The following CTSS variants were observed in gnomAD, a reference collection of about 807,000 sequenced individuals.
CTSS encodes cathepsin S.
Under a neutral mutation model 39.9 loss-of-function variants are expected in CTSS, and 15 were observed. That is an observed-to-expected ratio of 0.38 (90% CI 0.25 to 0.58). The LOEUF is 0.58. CTSS is among the 20% of genes least tolerant of loss of function. The pLI is 0.70. For missense variants in CTSS, 250 were observed against 398.2 expected (o/e 0.63, Z 3.17); for synonymous variants, 126 against 138.2 (o/e 0.91, Z 0.62).
chr1:150,759,679 T>C (rs1452863786), intron 2 of CTSS, among the ~76,000 whole-genome samples: 1 of 152,238 alleles, frequency 6.6e-6, no homozygotes, highest in Non-Finnish European at 1.5e-5. Context: ...ATTTACATGC[T>C]GACCGACGAT....
intron 1 of CTSS, among the ~76,000 whole-genome samples, chr1:150,765,287 G>GTT (rs144296504): frequency 1.5e-5 from 2 of 136,880 alleles, no homozygotes; most frequent in African/African-American, 5.8e-5. Context: ...TCCTTTTTAC[G>GTT]TTTTTTTTTT....
intron 7 of CTSS, among the ~76,000 whole-genome samples, chr1:150,741,887 G>C (rs113739463): frequency 0.036 from 5,463 of 151,678 alleles, 349 homozygotes; most frequent in African/African-American, 0.12. Flanking sequence ...AAAAAAAAGG[G>C]GGGGGGAAGA....
chr1:150,736,862 G>A (rs587617199), intron 7 of CTSS, among the ~76,000 whole-genome samples: 23 of 151,706 alleles, frequency 1.5e-4, no homozygotes, highest in Admixed American at 4.6e-4. Flanking sequence ...TGTTCATTTC[G>A]GTACTTACCA....
At chr1:150,740,246 A>G (rs1257739935) in intron 7 of CTSS, among the ~76,000 whole-genome samples, 1 of 152,264 alleles carries the variant, frequency 6.6e-6, no homozygotes, top group Non-Finnish European at 1.5e-5. Flanking sequence ...GAATTCATAA[A>G]GCATTGCCAA....
At chr1:150,738,912 G>A (rs1485581972) in intron 7 of CTSS, among the ~76,000 whole-genome samples, 1 of 151,954 alleles carries the variant, frequency 6.6e-6, no homozygotes, top group Non-Finnish European at 1.5e-5. Flanking sequence ...ACCTTACAAT[G>A]GGCCAGGTGC....
intron 2 of CTSS, among the ~76,000 whole-genome samples, chr1:150,764,345 C>A (rs1008881369): frequency 6.6e-6 from 1 of 152,142 alleles, no homozygotes; most frequent in Non-Finnish European, 1.5e-5. Context: ...TCAAGTGATT[C>A]TCTTGCCTCA....
At chr1:150,742,272 A>G (rs1184745706) in intron 7 of CTSS, among the ~76,000 whole-genome samples, 1 of 152,124 alleles carries the variant, frequency 6.6e-6, no homozygotes, top group Non-Finnish European at 1.5e-5. Context: ...AAAAAGAATA[A>G]ATACAGCTTA....
At chr1:150,734,171 G>T (rs1292471960) in intron 7 of CTSS, among the ~76,000 whole-genome samples, 1 of 151,924 alleles carries the variant, frequency 6.6e-6, no homozygotes, top group Non-Finnish European at 1.5e-5. Context: ...TAGGACTGCA[G>T]GCATGTGCCA....
chr1:150,755,556 A>G (rs140691474), intron 3 of CTSS, among the ~76,000 whole-genome samples: 52,265 of 151,886 alleles, frequency 0.34, 9,288 homozygotes, highest in South Asian at 0.53. Context: ...CCTGGCCAAC[A>G]TGGTGAAACC....
intron 3 of CTSS, 110 bp downstream of exon 3, chr1:150,757,748 A>T: frequency 9.0e-7 from 1 of 1,110,912 alleles, no homozygotes; most frequent in Non-Finnish European, 1.3e-6. Context: ...CCAACTTTGT[A>T]CTATACATTC....
chr1:150,744,531 TACATAA>T lies in CTSS; in HGVS notation c.896+3240_896+3245del, dbSNP rs1214766486. 6.2e-4 allele frequency among the ~76,000 whole-genome samples: 69 copies of T among 111,310 alleles called. 1 individual carries two copies. Among genetic ancestry groups the T allele is most frequent in the Non-Finnish European group, 7.7e-4 (46 of 59,412 alleles). The allele number at this position is 111,310 out of a possible 152,430, so 73.0% of individuals were successfully genotyped here. On this transcript the variant is annotated intron_variant, in intron 7 of 7. Coordinates refer to ENST00000368985, the MANE Select transcript of CTSS (RefSeq NM_004079.5). The stretch of plus-strand genomic sequence containing the variant: ...TTATATATTATATGTATATTATGTA[TACATAA>T]TATATTATATATTATATATGTATAT...
At chr1:150,744,557 G>T (rs1438672169) in intron 7 of CTSS, among the ~76,000 whole-genome samples, 2 of 114,146 alleles carry the variant, frequency 1.8e-5, no homozygotes, top group African/African-American at 3.4e-5. Context: ...TATTATATAT[G>T]TATATTATGT....
chr1:150,754,174 C>G (rs1653066579), intron 4 of CTSS, among the ~76,000 whole-genome samples: 1 of 142,950 alleles, frequency 7.0e-6, no homozygotes, highest in Non-Finnish European at 1.5e-5. Context: ...AGTGCAGTGG[C>G]AAGATCTCAG....
chr1:150,753,348 T>A (rs1427153797), intron 4 of CTSS, among the ~76,000 whole-genome samples: 1 of 152,196 alleles, frequency 6.6e-6, no homozygotes, highest in Non-Finnish European at 1.5e-5. Context: ...ATAGGAACAA[T>A]AATTTTACAA....
In CTSS at chr1:150,732,905, G is replaced by A. The variant is rs587636359; in HGVS notation, c.*141C>T. On this transcript the variant is annotated 3_prime_UTR_variant, in exon 8 of 8. Coordinates refer to ENST00000368985, the MANE Select transcript of CTSS (RefSeq NM_004079.5). ...ATTACAGGCGTGAGCCACCGTGCCC[G>A]GCCTCAAACTATATTTTCTAATTAG... 74 of 610,654 alleles carry A rather than the reference G, an allele frequency of 1.2e-4. 1 individual carries two copies. Among genetic ancestry groups the A allele is most frequent in the South Asian group, 1.1e-3 (49 of 43,986 alleles). The allele number at this position is 610,654 out of a possible 1,614,324, so 37.8% of individuals were successfully genotyped here. A position where few individuals can be genotyped will look rare whatever the true frequency, so the allele number is the denominator to read the frequency against.
chr1:150,760,477 G>C (rs1653230906), intron 2 of CTSS, among the ~76,000 whole-genome samples: 1 of 152,162 alleles, frequency 6.6e-6, no homozygotes. Context: ...ACCATTTCTA[G>C]TCAATATAGT....
rs1161839781 is a variant in CTSS, at chr1:150,732,899, G to A, written c.*147C>T. ...ACTGGGATTACAGGCGTGAGCCACC[G>A]TGCCCGGCCTCAAACTATATTTTCT... is the stretch of plus-strand genomic sequence containing the variant. On this transcript the variant is annotated 3_prime_UTR_variant, in exon 8 of 8. Transcript: ENST00000368985. 20 of 579,982 alleles carry A rather than the reference G, an allele frequency of 3.4e-5. No homozygotes were observed. Among genetic ancestry groups the A allele is most frequent in the South Asian group, 1.4e-4 (6 of 43,790 alleles). 35.9% of individuals were successfully genotyped at this position (579,982 alleles called of 1,614,324 possible).
At chr1:150,746,432 C>CACTT (rs902821803) in intron 7 of CTSS, among the ~76,000 whole-genome samples, 1 of 152,148 alleles carries the variant, frequency 6.6e-6, no homozygotes, top group African/African-American at 2.4e-5. Flanking sequence ...AGGTGCCACC[C>CACTT]ACTTAGTCTG....
At chr1:150,744,884 C>A (rs941718231) in intron 7 of CTSS, among the ~76,000 whole-genome samples, 2 of 151,540 alleles carry the variant, frequency 1.3e-5, no homozygotes, top group Non-Finnish European at 2.9e-5. Flanking sequence ...AATTTCAACA[C>A]TAAAAGATAT....
Sources: gnomAD v4.1 joint callset for allele counts (sites outside exome capture counted in the v4.1 genomes callset) on GRCh38, gnomAD v4.1.1 for gene constraint, MANE v1.5 for transcripts, NCBI Gene and HGNC (gene_info 2026-07-23, HGNC 2026-07-21) for gene names.